RGS22: variants seen among roughly 807,000 people sequenced by gnomAD.
The protein encoded by RGS22 is regulator of G protein signaling 22, also known as regulator of G-protein signaling 22.
In RGS22, 148 loss-of-function variants were observed where a neutral mutation model predicts 172.9. The observed-to-expected ratio is 0.86, with a 90% confidence interval of 0.75 to 0.98. The LOEUF is 0.98. Among genes scored for constraint, RGS22 ranks in the 50% least tolerant of loss-of-function variants. The pLI, the probability that RGS22 is intolerant of heterozygous loss-of-function variation, is 0.00. For synonymous variants in RGS22, 458 were observed against 480.2 expected, an observed-to-expected ratio of 0.95 and a Z score of 0.60; for missense variants, 1,347 against 1,440.8, an observed-to-expected ratio of 0.93 and a Z score of 1.05.
intron 14 of RGS22, among the ~76,000 whole-genome samples, chr8:100,038,011 G>A (rs1021137157): frequency 3.9e-5 from 6 of 151,956 alleles, no homozygotes; most frequent in Admixed American, 2.0e-4. Flanking sequence ...AACATCCAGC[G>A]GTACACTATG....
At chr8:99,962,354 G>C (rs1810293543) in intron 27 of RGS22, 40 bp downstream of exon 27, 33 of 1,288,806 alleles carry the variant, frequency 2.6e-5, no homozygotes, top group Non-Finnish European at 3.5e-5. Flanking sequence ...GTATTACGAG[G>C]ACATGTGTGG....
intron 2 of RGS22, among the ~76,000 whole-genome samples, chr8:100,099,316 C>T (rs189016228): frequency 1.1e-3 from 169 of 152,280 alleles, no homozygotes; most frequent in South Asian, 2.5e-3. Context: ...AAGGCTTTCT[C>T]CTTGTACAAA....
intron 14 of RGS22, among the ~76,000 whole-genome samples, chr8:100,013,278 C>T (rs534700424): frequency 2.6e-5 from 4 of 152,140 alleles, no homozygotes; most frequent in South Asian, 2.1e-4. Context: ...TGTAAGCCAT[C>T]GCGCCTGGCC....
At chr8:100,090,646 T>C (rs1184164513) in intron 3 of RGS22, among the ~76,000 whole-genome samples, 1 of 152,070 alleles carries the variant, frequency 6.6e-6, no homozygotes, top group Non-Finnish European at 1.5e-5. Context: ...TTATTTTAGA[T>C]AGGGTTGTTA....
In RGS22 at chr8:100,063,742, A is replaced by G. The variant is rs192778542; in HGVS notation, c.1026T>C (p.Tyr342=). Residue 342 remains tyrosine (Y), a synonymous_variant, in exon 8 of 28, where the codon TAT becomes TAC. Transcript: ENST00000360863. ...VGKPVGETPD[Y]INFNNITKVS... is the part of the protein sequence containing the mutation. ...CTTTTGTTATATTGTTGAAGTTTATATAGTCTGGGGTTTCTCCAACTGGCT... is the reference window on the plus strand; with the variant it reads ...CTTTTGTTATATTGTTGAAGTTTATGTAGTCTGGGGTTTCTCCAACTGGCT... 4.1e-5 allele frequency: 66 copies of G among 1,614,086 alleles called. No homozygotes were observed. In the Admixed American group the frequency reaches 6.2e-4, roughly 15 times the overall value.
intron 1 of RGS22, chr8:100,105,633 G>C: frequency 5.1e-6 from 3 of 589,132 alleles, no homozygotes; most frequent in Non-Finnish European, 9.0e-6. Context: ...CTGTGACCCA[G>C]GAGTTACCCT....
At chr8:100,022,242 T>A (rs550154005) in intron 14 of RGS22, among the ~76,000 whole-genome samples, 12 of 152,260 alleles carry the variant, frequency 7.9e-5, no homozygotes, top group African/African-American at 2.6e-4. Context: ...GATGGACTTG[T>A]ACGAAAAAAG....
chr8:100,050,316 A>C (rs2980533), intron 10 of RGS22, among the ~76,000 whole-genome samples: 88,713 of 151,902 alleles, frequency 0.58, 26,072 homozygotes, highest in Admixed American at 0.64. Flanking sequence ...TGTAAGCCAA[A>C]CCCCTGATTT....
chr8:100,043,422 T>C (rs1820355998), intron 11 of RGS22, among the ~76,000 whole-genome samples: 1 of 152,228 alleles, frequency 6.6e-6, no homozygotes, highest in African/African-American at 2.4e-5. Flanking sequence ...CAGACTCAAG[T>C]CTTCACATTA....
rs545816509 is a variant in RGS22, at chr8:100,035,020, G to A, written c.2166+3911C>T. Among the ~76,000 whole-genome samples the A allele has an allele frequency of 2.6e-5, 4 of 152,214 alleles. No homozygotes were observed. The South Asian group carries it at 8.3e-4, about 32-fold the overall frequency. ...AGAAAAACCCTAGAAGAAAACATAC[G>A]CAATACCATTCAGGACATAGGCATG... is the stretch of plus-strand genomic sequence containing the variant. On this transcript the variant is annotated intron_variant, in intron 14 of 27. Transcript: ENST00000360863.
chr8:100,051,436 A>AT (rs1309716497), intron 10 of RGS22, among the ~76,000 whole-genome samples: 3 of 108,372 alleles, frequency 2.8e-5, no homozygotes, highest in Admixed American at 2.4e-4. Context: ...TTATATATTT[A>AT]TATATTTATT....
intron 2 of RGS22, among the ~76,000 whole-genome samples, chr8:100,094,961 C>T (rs563889752): frequency 1.6e-4 from 24 of 152,336 alleles, no homozygotes; most frequent in African/African-American, 5.1e-4. Context: ...TGCAGTAGTG[C>T]AGTACAATCC....
chr8:99,996,157 T>C (rs947536412), intron 20 of RGS22, among the ~76,000 whole-genome samples: 2 of 152,096 alleles, frequency 1.3e-5, no homozygotes, highest in Non-Finnish European at 2.9e-5. Flanking sequence ...AAATAACTAA[T>C]GTAAATGATG....
chr8:99,970,987 T>C (rs1161691361), intron 23 of RGS22, among the ~76,000 whole-genome samples: 2 of 152,132 alleles, frequency 1.3e-5, no homozygotes, highest in African/African-American at 2.4e-5. Context: ...AATAAAACAT[T>C]TGCAAACTGA....
intron 3 of RGS22, 96 bp downstream of exon 3, chr8:100,093,351 C>A: frequency 2.9e-6 from 2 of 681,376 alleles, no homozygotes; most frequent in Non-Finnish European, 5.1e-6. Context: ...TTTTAAAAAG[C>A]ATTATCCCTG....
At chr8:100,035,310 C>T (rs1819322506) in intron 14 of RGS22, among the ~76,000 whole-genome samples, 1 of 152,180 alleles carries the variant, frequency 6.6e-6, no homozygotes, top group African/African-American at 2.4e-5. Flanking sequence ...TATGAACAGA[C>T]ACTTCTCAAA....
chr8:99,996,425 A>C, intron 20 of RGS22, 37 bp downstream of exon 20: 1 of 1,560,746 alleles, frequency 6.4e-7, no homozygotes, highest in Non-Finnish European at 8.8e-7. Context: ...GACAGAGCAA[A>C]ACTTACAAGA....
chr8:100,060,332 A>G (rs1038217402), intron 9 of RGS22, among the ~76,000 whole-genome samples: 1 of 149,874 alleles, frequency 6.7e-6, no homozygotes, highest in Non-Finnish European at 1.5e-5. Flanking sequence ...TATTCTCAGC[A>G]TAGCACTTAG....
chr8:100,034,851 TG>T (rs1819262005), intron 14 of RGS22, among the ~76,000 whole-genome samples: 2 of 152,048 alleles, frequency 1.3e-5, no homozygotes, highest in Non-Finnish European at 2.9e-5. Flanking sequence ...AAACAAGAAA[TG>T]GGGAAAGGAT....
Sources: allele counts gnomAD v4.1 joint callset (sites outside exome capture counted in the v4.1 genomes callset), GRCh38; gene constraint gnomAD v4.1.1; transcripts MANE v1.5; gene names NCBI Gene and HGNC (gene_info 2026-07-23, HGNC 2026-07-21).